Variants in SPIRE1 observed in about 807,000 individuals in gnomAD.
The protein encoded by SPIRE1 is spire type actin nucleation factor 1, also known as protein spire homolog 1.
A neutral mutation model predicts 94.1 loss-of-function variants in SPIRE1; 40 were observed. The observed-to-expected ratio is 0.43, with a 90% CI of 0.33 to 0.55. The LOEUF (loss-of-function observed/expected upper bound fraction) is 0.55, where lower values mean the gene tolerates loss of function less well. Ranked by LOEUF, SPIRE1 falls within the 20% of genes least tolerant of loss-of-function variation. The probability of loss-of-function intolerance (pLI) is 0.06; values close to 1 mark genes in which losing one functional copy is unlikely to be tolerated. For missense variants in SPIRE1, 838 were observed against 975.2 expected (o/e 0.86, Z 1.87); for synonymous variants, 376 against 371.7 (o/e 1.01, Z -0.13).
intron 2 of SPIRE1, among the ~76,000 whole-genome samples, chr18:12,548,618 T>TC (rs397737704): frequency 3.4e-5 from 5 of 147,328 alleles, no homozygotes; most frequent in African/African-American, 1.2e-4. Context: ...TTTTTTTTTT[T>TC]CTTCTTCTTT....
intron 2 of SPIRE1, among the ~76,000 whole-genome samples, chr18:12,555,319 A>AT (rs1370116713): frequency 7.6e-5 from 11 of 144,296 alleles, no homozygotes; most frequent in Middle Eastern, 3.6e-3. Context: ...AAAAAAAAAA[A>AT]TTTTTTTTTG....
chr18:12,536,426 G>A (rs2034842290), intron 3 of SPIRE1, among the ~76,000 whole-genome samples: 2 of 152,088 alleles, frequency 1.3e-5, no homozygotes, highest in African/African-American at 4.8e-5. Context: ...TTACCAAGAG[G>A]GAGAAGGAGA....
chr18:12,616,199 C>T (rs548585262), intron 2 of SPIRE1, among the ~76,000 whole-genome samples: 1 of 152,266 alleles, frequency 6.6e-6, no homozygotes, highest in Admixed American at 6.5e-5. Context: ...ATAACAGTGG[C>T]CTCTTCCAAA....
At chr18:12,661,959 T>A, upstream of SPIRE1, 1 of 257,364 alleles carries the variant, frequency 3.9e-6, no homozygotes, top group South Asian at 4.0e-5. Flanking sequence ...TGAATATGAT[T>A]TTGTTTTGTT....
chr18:12,625,143 G>C (rs2037585536), intron 2 of SPIRE1, among the ~76,000 whole-genome samples: 4 of 152,090 alleles, frequency 2.6e-5, no homozygotes, highest in Admixed American at 1.3e-4. Flanking sequence ...TGAAATCTAA[G>C]TGGAGATTAT....
rs1568186764 is a variant in SPIRE1, at chr18:12,465,107, G to A, written c.1405-149C>T. 22 of 658,312 alleles carry A rather than the reference G, an allele frequency of 3.3e-5. No homozygotes were observed. The South Asian group carries it at 3.9e-4, about 12-fold the overall frequency. The allele number at this position is 658,312 out of a possible 1,614,324, so 40.8% of individuals were successfully genotyped here. ...GCAAGCAAAAGACAAACTAGAAGGG[G>A]TTTCAAACAAGACAGGTCTGGGTTT... On this transcript the variant is annotated intron_variant, in intron 10 of 16. Transcript: ENST00000409402.
chr18:12,597,157 TAC>T (rs58238813), intron 2 of SPIRE1, among the ~76,000 whole-genome samples: 6,979 of 143,994 alleles, frequency 0.048, 254 homozygotes, highest in African/African-American at 0.099. Context: ...TGTCTCTTTC[TAC>T]ACACACACAC....
At chr18:12,658,141 G>GCC (rs1567999022), upstream of SPIRE1, 174 of 996,974 alleles carry the variant, frequency 1.7e-4, no homozygotes, top group Admixed American at 2.4e-4. Flanking sequence ...GCCTCGCGCC[G>GCC]TCCAGCGCCG....
At chr18:12,632,273 C>T (rs184026713) in intron 2 of SPIRE1, among the ~76,000 whole-genome samples, 1 of 152,296 alleles carries the variant, frequency 6.6e-6, no homozygotes, top group African/African-American at 2.4e-5. Flanking sequence ...CTCCAGACAA[C>T]CATCGTCTCC....
At position 12,639,174 on chromosome 18, in the gene SPIRE1, T is replaced by C. The variant is rs377648687; in HGVS notation, c.338-4078A>G. ...TCTCGCTCTGTCGCCCAGGCTGGAG[T>C]GCAGTGGCATGATCTTGGCTCACTG... On this transcript the variant is annotated intron_variant, in intron 1 of 16. Coordinates refer to ENST00000409402, the MANE Select transcript of SPIRE1 (RefSeq NM_001128626.2). 4.2e-3 allele frequency among the ~76,000 whole-genome samples: 631 copies of C among 151,110 alleles called. 6 individuals carry two copies. The highest frequency in any genetic ancestry group is 0.014 in the African/African-American group (592 of 41,168).
intron 1 of SPIRE1, among the ~76,000 whole-genome samples, chr18:12,657,290 G>T (rs2038572540): frequency 6.6e-6 from 1 of 151,574 alleles, no homozygotes; most frequent in South Asian, 2.1e-4. Flanking sequence ...CCACCCAAAC[G>T]TCCTCCGCAC....
chr18:12,570,430 C>T (rs2035934667), intron 2 of SPIRE1, among the ~76,000 whole-genome samples: 1 of 152,146 alleles, frequency 6.6e-6, no homozygotes, highest in Non-Finnish European at 1.5e-5. Context: ...TTGCCTTTGT[C>T]GTCATGCTTC....
chr18:12,624,497 C>T (rs1298656104), intron 2 of SPIRE1, among the ~76,000 whole-genome samples: 3 of 145,002 alleles, frequency 2.1e-5, no homozygotes, highest in African/African-American at 7.8e-5. Flanking sequence ...GAGCCGAGAT[C>T]GTACCACTAC....
chr18:12,472,443 C>G (rs1259286149), intron 10 of SPIRE1, among the ~76,000 whole-genome samples: 1 of 150,092 alleles, frequency 6.7e-6, no homozygotes, highest in Non-Finnish European at 1.5e-5. Context: ...TCACAGCTCA[C>G]TGCAGCCTTG....
intron 4 of SPIRE1, among the ~76,000 whole-genome samples, chr18:12,520,577 A>G (rs1176880475): frequency 6.6e-6 from 1 of 152,178 alleles, no homozygotes; most frequent in African/African-American, 2.4e-5. Flanking sequence ...CAAATCAAAC[A>G]GAAAAAAGAC....
At chr18:12,603,399 C>T (rs888921450) in intron 2 of SPIRE1, among the ~76,000 whole-genome samples, 2 of 152,034 alleles carry the variant, frequency 1.3e-5, no homozygotes, top group African/African-American at 4.8e-5. Context: ...TTGGAATGTC[C>T]AAAGTGATGG....
chr18:12,462,190 A>G (rs937077256), intron 12 of SPIRE1, among the ~76,000 whole-genome samples: 1 of 152,238 alleles, frequency 6.6e-6, no homozygotes, highest in Non-Finnish European at 1.5e-5. Flanking sequence ...TGGCATAGAG[A>G]TGAATGACCA....
upstream of SPIRE1, among the ~76,000 whole-genome samples, chr18:12,660,336 T>TTTC (rs397965254): frequency 1.3e-5 from 2 of 151,186 alleles, no homozygotes; most frequent in African/African-American, 4.9e-5. Context: ...TTTTTTTTTT[T>TTTC]AATTGAGACA....
chr18:12,615,519 G>A (rs111438434), intron 2 of SPIRE1, among the ~76,000 whole-genome samples: 2 of 109,626 alleles, frequency 1.8e-5, no homozygotes, highest in Non-Finnish European at 4.0e-5. Context: ...CACCTTGGGC[G>A]ACAGAGAGAG....
Sources: allele counts gnomAD v4.1 joint callset (sites outside exome capture counted in the v4.1 genomes callset), GRCh38; gene constraint gnomAD v4.1.1; transcripts MANE v1.5; gene names NCBI Gene and HGNC (gene_info 2026-07-23, HGNC 2026-07-21).